Variants in PDE2A observed in about 807,000 individuals in gnomAD.
PDE2A encodes the protein cGMP-dependent 3',5'-cyclic phosphodiesterase.
PDE2A carries 53 observed loss-of-function variants against 133.6 expected under a neutral mutation model. The observed-to-expected ratio is 0.40, with a 90% CI of 0.32 to 0.50. The LOEUF is 0.50. Among genes scored for constraint, PDE2A ranks in the 20% least tolerant of loss-of-function variants. The pLI is 0.73. For missense variants in PDE2A, 796 were observed against 1,232.4 expected (o/e 0.65, Z 5.30); for synonymous variants, 491 against 490.2 (o/e 1.00, Z -0.02).
chr11:72,612,200 C>T (rs540717752), intron 2 of PDE2A, among the ~76,000 whole-genome samples: 2 of 152,090 alleles, frequency 1.3e-5, no homozygotes, highest in Non-Finnish European at 2.9e-5. Flanking sequence ...CACACAAACA[C>T]GCACACAGAC....
chr11:72,627,660 T>C (rs1857966404), intron 2 of PDE2A, among the ~76,000 whole-genome samples: 1 of 152,184 alleles, frequency 6.6e-6, no homozygotes, highest in South Asian at 2.1e-4. Flanking sequence ...GGGTGTGGTC[T>C]TTGTCCCAAG....
rs201048068 is a variant in PDE2A, at chr11:72,579,499, C to T, written c.2256+35G>A. 329 of 1,568,136 alleles carry T rather than the reference C, an allele frequency of 2.1e-4. 3 individuals carry two copies. The East Asian group carries it at 5.7e-3, about 27-fold the overall frequency. ...CCCACCTCCAGCCAGCTCCCAGCTC[C>T]CCCTCAATCCCCACCCCACCCCCAA... On this transcript the variant is annotated intron_variant, in intron 26 of 30. Coordinates refer to ENST00000334456, the MANE Select transcript of PDE2A (RefSeq NM_002599.5).
intron 20 of PDE2A, among the ~76,000 whole-genome samples, chr11:72,582,795 C>A (rs1423049727): frequency 6.6e-6 from 1 of 152,184 alleles, no homozygotes; most frequent in Non-Finnish European, 1.5e-5. Context: ...AACAGCATAA[C>A]CTTGGCAAAG....
chr11:72,595,717 C>T lies in PDE2A; in HGVS notation c.489+876G>A, dbSNP rs941419418. Among the ~76,000 whole-genome samples, 6 of 152,152 alleles carry T rather than the reference C, an allele frequency of 3.9e-5. No individual in the cohort carries two copies. The East Asian group carries it at 9.6e-4, about 24-fold the overall frequency. ...TTTACTGGAATGGCAGCCCCCTCGACAGAAGCAGACCCCCAATAATAGCAA... is the reference window on the plus strand; with the variant it reads ...TTTACTGGAATGGCAGCCCCCTCGATAGAAGCAGACCCCCAATAATAGCAA... On this transcript the variant is annotated intron_variant, in intron 6 of 30. Transcript: ENST00000334456.
intron 2 of PDE2A, among the ~76,000 whole-genome samples, chr11:72,637,314 G>A (rs1360198478): frequency 6.6e-6 from 1 of 152,192 alleles, no homozygotes; most frequent in Non-Finnish European, 1.5e-5. Context: ...TAGTACCTAG[G>A]TCTGTGCCAC....
At chr11:72,636,690 T>C (rs1033992468) in intron 2 of PDE2A, among the ~76,000 whole-genome samples, 6 of 152,128 alleles carry the variant, frequency 3.9e-5, no homozygotes, top group African/African-American at 1.4e-4. Flanking sequence ...CGTCTACAGC[T>C]GTCCAGCTCC....
chr11:72,580,821 G>A, intron 24 of PDE2A, 65 bp downstream of exon 24: 1 of 1,096,390 alleles, frequency 9.1e-7, no homozygotes. Flanking sequence ...TCTTCAGGCT[G>A]GGAGAGGATG....
chr11:72,598,413 G>C (rs559701501), intron 4 of PDE2A: 34 of 895,586 alleles, frequency 3.8e-5, no homozygotes, highest in Non-Finnish European at 5.2e-5. Context: ...CAAGGCAGGG[G>C]AGGTTGGTAT....
intron 2 of PDE2A, among the ~76,000 whole-genome samples, chr11:72,619,412 A>G (rs1195220130): frequency 1.3e-5 from 2 of 152,022 alleles, no homozygotes; most frequent in African/African-American, 2.4e-5. Flanking sequence ...TCACATCATC[A>G]TGGCAGACTA....
At position 72,577,217 on chromosome 11, in the gene PDE2A, T is replaced by C; in HGVS notation, c.*167A>G. The C allele has an allele frequency of 1.7e-6, 1 of 600,716 alleles. No homozygotes were observed. The highest frequency in any genetic ancestry group is 2.9e-6 in the Non-Finnish European group (1 of 339,264). The allele number at this position is 600,716 out of a possible 1,614,324, so 37.2% of individuals were successfully genotyped here. On this transcript the variant is annotated 3_prime_UTR_variant, in exon 31 of 31. Transcript: ENST00000334456. ...CGTGAGGTTGGAAGTCTTGCTTCCATTATACAGACGAGAAAGCTGAGGCCC... is the reference window on the plus strand; with the variant it reads ...CGTGAGGTTGGAAGTCTTGCTTCCACTATACAGACGAGAAAGCTGAGGCCC...
At chr11:72,659,712 C>CTG (rs1253427853) in intron 1 of PDE2A, among the ~76,000 whole-genome samples, 1 of 152,076 alleles carries the variant, frequency 6.6e-6, no homozygotes, top group African/African-American at 2.4e-5. Context: ...TCTTGGCCAG[C>CTG]CCCTGCTACA....
intron 6 of PDE2A, among the ~76,000 whole-genome samples, chr11:72,593,883 A>G (rs1049130815): frequency 6.6e-6 from 1 of 152,176 alleles, no homozygotes; most frequent in Non-Finnish European, 1.5e-5. Context: ...ACTTGCCATC[A>G]CGTGTGATCC....
chr11:72,628,268 T>A (rs1858185151), intron 2 of PDE2A, among the ~76,000 whole-genome samples: 1 of 151,840 alleles, frequency 6.6e-6, no homozygotes, highest in African/African-American at 2.4e-5. Context: ...CTTTGTAACT[T>A]CTCCCAACAG....
intron 13 of PDE2A, among the ~76,000 whole-genome samples, chr11:72,587,593 C>T (rs1357777762): frequency 6.6e-6 from 1 of 152,198 alleles, no homozygotes; most frequent in African/African-American, 2.4e-5. Context: ...CCCTGCTGGA[C>T]CCCCATTCAC....
At chr11:72,661,803 T>C (rs1175861745) in intron 1 of PDE2A, among the ~76,000 whole-genome samples, 1 of 152,226 alleles carries the variant, frequency 6.6e-6, no homozygotes, top group African/African-American at 2.4e-5. Context: ...GCGCCACACA[T>C]GTGCTGAATC....
chr11:72,609,640 G>A (rs1857115634), intron 2 of PDE2A, among the ~76,000 whole-genome samples: 1 of 152,166 alleles, frequency 6.6e-6, no homozygotes, highest in South Asian at 2.1e-4. Flanking sequence ...GAGCCATGGG[G>A]ATCAAAGAGA....
At chr11:72,586,554 C>T (rs1855983502) in intron 13 of PDE2A, among the ~76,000 whole-genome samples, 2 of 152,332 alleles carry the variant, frequency 1.3e-5, no homozygotes, top group African/African-American at 4.8e-5. Context: ...CTATCTTGTG[C>T]AGCTCCTGTC....
At chr11:72,603,424 A>C in intron 4 of PDE2A, among the ~76,000 whole-genome samples, 1 of 152,154 alleles carries the variant, frequency 6.6e-6, no homozygotes, top group East Asian at 1.9e-4. Flanking sequence ...CCCACTCTAC[A>C]TGCCCAGACA....
At position 72,578,204 on chromosome 11, in the gene PDE2A, G is replaced by A; in HGVS notation, c.2615+29C>T. ...CTCCAGCCTACCCTCTCTGTGCAGGGTGCAGCTTGTCCCCATGAGCTCACT... is the reference window on the plus strand; with the variant it reads ...CTCCAGCCTACCCTCTCTGTGCAGGATGCAGCTTGTCCCCATGAGCTCACT... On this transcript the variant is annotated intron_variant, in intron 30 of 30. Transcript: ENST00000334456. This position sits in a 1 kb window ranked among gnomAD's most constrained non-coding sequence, Gnocchi z 4.2. 1 of 1,367,946 alleles carries A rather than the reference G, an allele frequency of 7.3e-7. No individual in the cohort carries two copies. Among genetic ancestry groups the A allele is most frequent in the Non-Finnish European group, 1.0e-6 (1 of 954,616 alleles). 84.7% of individuals were successfully genotyped at this position (1,367,946 alleles called of 1,614,324 possible).
Sources: allele counts gnomAD v4.1 joint callset (sites outside exome capture counted in the v4.1 genomes callset), GRCh38; gene constraint gnomAD v4.1.1; non-coding constraint Gnocchi (gnomAD v3.1); transcripts MANE v1.5; gene names NCBI Gene and HGNC (gene_info 2026-07-23, HGNC 2026-07-21).